CBLB: variants seen among roughly 807,000 people sequenced by gnomAD.
CBLB encodes E3 ubiquitin-protein ligase CBL-B.
In CBLB, 31 loss-of-function variants were observed where a neutral mutation model predicts 104.9. That is an observed-to-expected ratio of 0.30 (90% CI 0.22 to 0.40). CBLB has a LOEUF of 0.40. Among genes scored for constraint, CBLB ranks in the 10% least tolerant of loss-of-function variants. CBLB has a pLI of 1.00. For synonymous variants in CBLB, 440 were observed against 422.6 expected (o/e 1.04, Z -0.51); for missense variants, 1,062 against 1,214.6 (o/e 0.87, Z 1.87).
intron 17 of CBLB, among the ~76,000 whole-genome samples, chr3:105,676,870 T>C (rs891360263): frequency 6.6e-6 from 1 of 152,130 alleles, no homozygotes; most frequent in Non-Finnish European, 1.5e-5. Context: ...TTTTGATAAA[T>C]GTCTGGCATT....
At position 105,827,504 on chromosome 3, in the gene CBLB, G is replaced by GTA. The variant is rs1168954686; in HGVS notation, c.419+25909_419+25910insTA. Among the ~76,000 whole-genome samples the GTA allele has an allele frequency of 5.3e-5, 8 of 152,198 alleles. No individual in the cohort carries two copies. The South Asian group carries it at 1.7e-3, about 32-fold the overall frequency. ...TTTACCAGTGTGTATGTGTGTGTGT[G>GTA]TGTGTTCAGAAGTAACGCCAGGAAC... On this transcript the variant is annotated intron_variant, in intron 3 of 18. Transcript: ENST00000394030.
Position 105,732,265 on chromosome 3 carries a change from C to G in CBLB, c.1203+1744G>C, listed in dbSNP as rs2074399271. Among the ~76,000 whole-genome samples the G allele has an allele frequency of 1.3e-5, 2 of 152,194 alleles. 1 individual carries two copies. Among genetic ancestry groups the G allele is most frequent in the South Asian group, 4.1e-4 (2 of 4,834 alleles). ...ATAAACTTGCAAACAATTCTGTCTT[C>G]TACCAACATATCTACATTTATTGAA... On this transcript the variant is annotated intron_variant, in intron 9 of 18. Coordinates refer to ENST00000394030, the MANE Select transcript of CBLB (RefSeq NM_170662.5).
chr3:105,700,447 A>G (rs1006862368), intron 12 of CBLB, among the ~76,000 whole-genome samples: 1 of 152,002 alleles, frequency 6.6e-6, no homozygotes, highest in African/African-American at 2.4e-5. Flanking sequence ...GTGTGATCAC[A>G]TATGAATAAA....
chr3:105,713,565 T>C (rs1239220025), intron 10 of CBLB, among the ~76,000 whole-genome samples: 1 of 152,320 alleles, frequency 6.6e-6, no homozygotes, highest in East Asian at 1.9e-4. Context: ...ATATACTATG[T>C]ATTCAAGTTA....
intron 3 of CBLB, among the ~76,000 whole-genome samples, chr3:105,776,997 A>T (rs13060223): frequency 5.3e-5 from 8 of 151,902 alleles, no homozygotes; most frequent in African/African-American, 1.9e-4. Context: ...AGAGAAAGGG[A>T]GGATGCAGAG....
intron 10 of CBLB, among the ~76,000 whole-genome samples, chr3:105,704,856 T>C (rs2069831801): frequency 6.6e-6 from 1 of 152,174 alleles, no homozygotes; most frequent in Non-Finnish European, 1.5e-5. Context: ...TAAAGTAGCA[T>C]CGAAAAGCCA....
chr3:105,848,302 T>C (rs1347937819), intron 3 of CBLB, among the ~76,000 whole-genome samples: 2 of 152,094 alleles, frequency 1.3e-5, no homozygotes, highest in African/African-American at 4.8e-5. Flanking sequence ...GAAATCATTA[T>C]CTACTCTCAA....
At chr3:105,778,470 A>T (rs1358964651) in intron 3 of CBLB, among the ~76,000 whole-genome samples, 5 of 152,176 alleles carry the variant, frequency 3.3e-5, no homozygotes, top group African/African-American at 1.2e-4. Flanking sequence ...GAAAAAAGAT[A>T]CCCATGATCA....
intron 7 of CBLB, among the ~76,000 whole-genome samples, chr3:105,739,577 G>C (rs1195604487): frequency 2.0e-5 from 3 of 152,100 alleles, no homozygotes; most frequent in African/African-American, 7.2e-5. Flanking sequence ...TGTGTGGAGT[G>C]AGTGGGGGAG....
chr3:105,721,409 C>T (rs1186224976), intron 9 of CBLB, among the ~76,000 whole-genome samples: 5 of 152,188 alleles, frequency 3.3e-5, no homozygotes, highest in Admixed American at 2.0e-4. Flanking sequence ...TACTTTGTGG[C>T]AGATCCTGTG....
At chr3:105,758,695 G>A (rs2077304233) in intron 4 of CBLB, among the ~76,000 whole-genome samples, 1 of 152,260 alleles carries the variant, frequency 6.6e-6, no homozygotes, top group Admixed American at 6.5e-5. Context: ...CTGTAGCAGG[G>A]CGGGCAGCTC....
At chr3:105,665,408 AATAAATAAATAT>A (rs1225431493) in intron 18 of CBLB, among the ~76,000 whole-genome samples, 17 of 51,558 alleles carry the variant, frequency 3.3e-4, no homozygotes, top group African/African-American at 9.7e-4. Flanking sequence ...TAAATAAATA[AATAAATAAATAT>A]ATATATATAT....
At chr3:105,709,601 T>C (rs774191601) in intron 10 of CBLB, among the ~76,000 whole-genome samples, 20 of 151,922 alleles carry the variant, frequency 1.3e-4, no homozygotes, top group Non-Finnish European at 2.5e-4. Flanking sequence ...TCTTCATGAA[T>C]ATAATTTTAA....
chr3:105,793,222 G>A (rs1441898877), intron 3 of CBLB, among the ~76,000 whole-genome samples: 4 of 152,020 alleles, frequency 2.6e-5, no homozygotes. Context: ...AGCAGCTGCA[G>A]AATCCTACAG....
intron 3 of CBLB, among the ~76,000 whole-genome samples, chr3:105,787,860 C>T (rs2081202331): frequency 6.6e-6 from 1 of 152,004 alleles, no homozygotes; most frequent in African/African-American, 2.4e-5. Context: ...AATAACATGG[C>T]CCTCAAAACA....
intron 16 of CBLB, among the ~76,000 whole-genome samples, chr3:105,679,646 C>T (rs568512308): frequency 1.1e-4 from 16 of 151,942 alleles, no homozygotes; most frequent in African/African-American, 3.1e-4. Flanking sequence ...CATGGTGGTA[C>T]GTGACTGTAA....
At chr3:105,724,153 A>G (rs1156603021) in intron 9 of CBLB, 1 of 174,296 alleles carries the variant, frequency 5.7e-6, no homozygotes, top group African/African-American at 2.4e-5. Flanking sequence ...GAATTTTCAA[A>G]GCACAGTATC....
chr3:105,795,435 T>C (rs1002295300), intron 3 of CBLB, among the ~76,000 whole-genome samples: 1 of 152,256 alleles, frequency 6.6e-6, no homozygotes, highest in African/African-American at 2.4e-5. Context: ...ATATTACATA[T>C]TAATGACTAT....
At chr3:105,760,087 C>T (rs930629165) in intron 4 of CBLB, among the ~76,000 whole-genome samples, 33 of 152,146 alleles carry the variant, frequency 2.2e-4, no homozygotes, top group Middle Eastern at 3.2e-3. Flanking sequence ...AGTATTATTT[C>T]TAATCTTCTC....
Sources: allele counts gnomAD v4.1 joint callset (sites outside exome capture counted in the v4.1 genomes callset), GRCh38; gene constraint gnomAD v4.1.1; transcripts MANE v1.5; gene names NCBI Gene and HGNC (gene_info 2026-07-23, HGNC 2026-07-21).